The following FUBP1 variants were observed in gnomAD, a reference collection of about 807,000 sequenced individuals.
The protein encoded by FUBP1 is far upstream element binding protein 1, also known as far upstream element-binding protein 1.
FUBP1 carries 16 observed loss-of-function variants against 94.9 expected under a neutral mutation model. The observed-to-expected ratio is 0.17, with a 90% confidence interval of 0.11 to 0.26. FUBP1 has a LOEUF of 0.26. Ranked by LOEUF, FUBP1 falls within the 10% of genes least tolerant of loss-of-function variation. The pLI, the probability that FUBP1 is intolerant of heterozygous loss-of-function variation, is 1.00. For missense variants in FUBP1, 583 were observed against 808.6 expected (o/e 0.72, Z 3.38); for synonymous variants, 279 against 254.9 (o/e 1.09, Z -0.90).
rs139413247 is a variant in FUBP1, at chr1:77,959,981, C to G, written c.1576+203G>C. ...ACTGTATCAACTCATAAGCCAAAGG[C>G]AAGTAGAAAGAAATTCCATAAAAGC... On this transcript the variant is annotated intron_variant, in intron 16 of 19. Transcript: ENST00000370768. Among the ~76,000 whole-genome samples the G allele has an allele frequency of 1.5e-3, 222 of 152,304 alleles. 2 individuals carry two copies. Among genetic ancestry groups the G allele is most frequent in the Non-Finnish European group, 2.6e-3 (179 of 68,028 alleles).
At chr1:77,953,836 A>G (rs1653955318) in intron 18 of FUBP1, among the ~76,000 whole-genome samples, 1 of 152,266 alleles carries the variant, frequency 6.6e-6, no homozygotes, top group South Asian at 2.1e-4. Flanking sequence ...CCATATTACA[A>G]ATAATCAATA....
chr1:77,979,116 T>C (rs1659355220), upstream of FUBP1: 1 of 1,138,626 alleles, frequency 8.8e-7, no homozygotes, highest in Non-Finnish European at 1.2e-6. Flanking sequence ...TGCGCGACCA[T>C]CGTGCCGTAA....
Position 77,948,454 on chromosome 1 carries a change from G to A in FUBP1, c.*312C>T. ...AGCACAAAACAGGCATTTTAAAAGT[G>A]AAAGTATACATTGAAAAAGTACATT... On this transcript the variant is annotated 3_prime_UTR_variant, in exon 20 of 20. Transcript: ENST00000370768. 8.6e-7 allele frequency: 1 copy of A among 1,158,010 alleles called. No homozygotes were observed. The highest frequency in any genetic ancestry group is 1.1e-6 in the Non-Finnish European group (1 of 939,038). 71.7% of individuals were successfully genotyped at this position (1,158,010 alleles called of 1,614,324 possible). A position where few individuals can be genotyped will look rare whatever the true frequency, so the allele number is the denominator to read the frequency against.
At chr1:77,970,900 A>G (rs1358625335) in intron 1 of FUBP1, among the ~76,000 whole-genome samples, 1 of 152,078 alleles carries the variant, frequency 6.6e-6, no homozygotes, top group Non-Finnish European at 1.5e-5. Flanking sequence ...AAAATTAGCC[A>G]GGTGTGGTGG....
chr1:77,968,506 T>C (rs758310922), intron 2 of FUBP1, among the ~76,000 whole-genome samples: 3 of 152,012 alleles, frequency 2.0e-5, no homozygotes, highest in Non-Finnish European at 4.4e-5. Flanking sequence ...TTAGGTCCAT[T>C]ACTAGCAAAA....
rs2102420850 is a variant in FUBP1 at position 77,966,889 on chromosome 1, G to A, written c.410C>T (p.Ala137Val). The A allele has an allele frequency of 6.4e-7, 1 of 1,567,412 alleles. No homozygotes were observed. The highest frequency in any genetic ancestry group is 8.8e-7 in the Non-Finnish European group (1 of 1,138,330). Residue 137 changes from alanine to valine, a missense_variant, in exon 6 of 20, where the codon GCT (alanine) becomes GTT (valine). Ala to Val is a moderately conservative substitution (Grantham distance 64). Coordinates refer to ENST00000370768, the MANE Select transcript of FUBP1 (RefSeq NM_003902.5). ...CCATGAGAATGTAACATTACCAGGA[G>A]CTATCTGTATTTTGCATCCAGATTC... ...QQESGCKIQIAPDSGGLPERS... is the reference protein window; with the variant it reads ...QQESGCKIQIVPDSGGLPERS...
intron 3 of FUBP1, 116 bp downstream of exon 3, chr1:77,968,049 G>T: frequency 1.6e-6 from 1 of 632,988 alleles, no homozygotes; most frequent in Non-Finnish European, 2.7e-6. Flanking sequence ...ATTCAGGCTA[G>T]CTGATCCAAA....
rs751491964 is a variant in FUBP1, at chr1:77,979,021, C to A, written c.-17G>T. 2 of 1,597,002 alleles carry A rather than the reference C, an allele frequency of 1.3e-6. No individual in the cohort carries two copies. Among genetic ancestry groups the A allele is most frequent in the East Asian group, 2.3e-5 (1 of 44,334 alleles). ...GTCTGCCATGGTTGCACTATAAGAG[C>A]CGCTGCCGCCTGTTCAGAGACTTCC... On this transcript the variant is annotated 5_prime_UTR_variant, in exon 1 of 20. Coordinates refer to ENST00000370768, the MANE Select transcript of FUBP1 (RefSeq NM_003902.5).
intron 16 of FUBP1, among the ~76,000 whole-genome samples, chr1:77,958,107 A>T (rs953671059): frequency 6.6e-6 from 1 of 152,178 alleles, no homozygotes; most frequent in Non-Finnish European, 1.5e-5. Flanking sequence ...CTGTATATTA[A>T]TCAAGAAATC....
chr1:77,950,351 G>A (rs954790083), intron 18 of FUBP1, among the ~76,000 whole-genome samples: 1 of 151,994 alleles, frequency 6.6e-6, no homozygotes, highest in Non-Finnish European at 1.5e-5. Context: ...GTAGAGATGG[G>A]GTTTTGCCAT....
intron 1 of FUBP1, among the ~76,000 whole-genome samples, chr1:77,972,956 T>A (rs938947043): frequency 6.7e-6 from 1 of 149,836 alleles, no homozygotes; most frequent in African/African-American, 2.5e-5. Flanking sequence ...GAAGCTGAGA[T>A]GGGAGAACTG....
chr1:77,965,736 C>T (rs192041885), intron 7 of FUBP1, among the ~76,000 whole-genome samples: 12 of 152,274 alleles, frequency 7.9e-5, no homozygotes, highest in African/African-American at 2.4e-4. Context: ...ATGAATAACA[C>T]ATTATTTGGA....
chr1:77,979,167 G>A (rs774978069), upstream of FUBP1: 1 of 679,486 alleles, frequency 1.5e-6, no homozygotes, highest in Non-Finnish European at 2.4e-6. Context: ...CGATGTTTCC[G>A]AGGCAACGCG....
chr1:77,948,094 T>C lies in FUBP1; in HGVS notation c.*672A>G. Reference sequence around the variant, plus strand: ...ACAGGTCTGAAACAGTGGTCATGTATAAAAGGAAATTTCACTGTTAATGCA... The same window carrying C: ...ACAGGTCTGAAACAGTGGTCATGTACAAAAGGAAATTTCACTGTTAATGCA... On this transcript the variant is annotated 3_prime_UTR_variant, in exon 20 of 20. Coordinates refer to ENST00000370768, the MANE Select transcript of FUBP1 (RefSeq NM_003902.5). 9.7e-7 allele frequency: 1 copy of C among 1,034,082 alleles called. No individual in the cohort carries two copies. Among genetic ancestry groups the C allele is most frequent in the Non-Finnish European group, 1.2e-6 (1 of 858,830 alleles). 64.1% of individuals were successfully genotyped at this position (1,034,082 alleles called of 1,614,324 possible).
Position 77,962,949 on chromosome 1 carries a change from A to G in FUBP1, c.1184-19T>C, listed in dbSNP as rs761857753. 6.3e-7 allele frequency: 1 copy of G among 1,596,192 alleles called. No homozygotes were observed. The highest frequency in any genetic ancestry group is 2.2e-5 in the East Asian group (1 of 44,748). ...TCACCTCCTAAAATCAAAAGACAGTAATTTCTCTAAAGGTTTCAAGGGTGT... is the reference window on the plus strand; with the variant it reads ...TCACCTCCTAAAATCAAAAGACAGTGATTTCTCTAAAGGTTTCAAGGGTGT... On this transcript the variant is annotated intron_variant, in intron 13 of 19. Transcript: ENST00000370768.
In FUBP1 at chr1:77,964,134, T is replaced by C. The variant is rs759705856; in HGVS notation, c.969A>G (p.Ala323=). 1 of 1,608,998 alleles carries C rather than the reference T, an allele frequency of 6.2e-7. No individual in the cohort carries two copies. Among genetic ancestry groups the C allele is most frequent in the Non-Finnish European group, 8.5e-7 (1 of 1,175,288 alleles). ...PDDGTTPERI[A]QITGPPDRCQ... is the part of the protein sequence containing the mutation. ...ATCGGTCTGGAGGTCCTGTTATTTG[T>C]GCTATCCTTTCGGGTGTTGTCCCAT... The change falls in exon 12 of 20, where the codon GCA becomes GCG. Residue 323 remains alanine (A), a synonymous_variant. Transcript: ENST00000370768.
At chr1:77,957,322 C>G (rs975380505) in intron 16 of FUBP1, among the ~76,000 whole-genome samples, 11 of 152,148 alleles carry the variant, frequency 7.2e-5, no homozygotes, top group Non-Finnish European at 1.3e-4. Context: ...AGCCTGAAGC[C>G]CCTGGCTTAT....
At position 77,960,382 on chromosome 1, in the gene FUBP1, A is replaced by G. The variant is rs1655225660; in HGVS notation, c.1458T>C (p.Pro486=). The change falls in exon 15 of 20, where the codon CCT becomes CCC. Residue 486 remains proline, a synonymous_variant. Transcript: ENST00000370768. ...CTGGTGGTCCAGGATTATAAGGTGC[A>G]GGGTTGTATGGTCCCATTGGAGTTC... ...GPGTPMGPYN[P]APYNPGPPGP... 1 of 1,604,438 alleles carries G rather than the reference A, an allele frequency of 6.2e-7. No homozygotes were observed. Among genetic ancestry groups the G allele is most frequent in the South Asian group, 1.1e-5 (1 of 89,520 alleles).
At chr1:77,953,319 G>A (rs1446652946) in intron 18 of FUBP1, among the ~76,000 whole-genome samples, 2 of 151,548 alleles carry the variant, frequency 1.3e-5, no homozygotes, top group African/African-American at 2.4e-5. Context: ...ATGAAAGCCC[G>A]TATCTACTAA....
Sources: gnomAD v4.1 joint callset for allele counts (sites outside exome capture counted in the v4.1 genomes callset) on GRCh38, gnomAD v4.1.1 for gene constraint, MANE v1.5 for transcripts, NCBI Gene and HGNC (gene_info 2026-07-23, HGNC 2026-07-21) for gene names.